SIGIRR: variants seen among roughly 807,000 people sequenced by gnomAD.
SIGIRR encodes single Ig IL-1-related receptor.
In SIGIRR, 41 loss-of-function variants were observed where a neutral mutation model predicts 45.6. That is an observed-to-expected ratio of 0.90 (90% CI 0.70 to 1.17). The LOEUF (loss-of-function observed/expected upper bound fraction) is 1.17. SIGIRR is among the 50% of genes most tolerant of loss of function. The pLI, the probability that SIGIRR is intolerant of heterozygous loss-of-function variation, is 0.00. For missense variants in SIGIRR, 599 were observed against 539.6 expected (o/e 1.11, Z -1.09); for synonymous variants, 298 against 239.0 (o/e 1.25, Z -2.28).
chr11:411,718 G>C (rs1410638444), intron 1 of SIGIRR, among the ~76,000 whole-genome samples: 2 of 80,920 alleles, frequency 2.5e-5, no homozygotes, highest in South Asian at 4.4e-4. Context: ...CAGTCGGTGG[G>C]GGGGGGGGGT....
upstream of SIGIRR, among the ~76,000 whole-genome samples, chr11:415,591 C>G (rs1170772293): frequency 6.6e-6 from 1 of 152,188 alleles, no homozygotes. This position sits in a 1 kb window ranked among gnomAD's most constrained non-coding sequence, Gnocchi z 6.6. Flanking sequence ...CTTCCGCCCT[C>G]TCCCCGTCCC....
At chr11:406,747 G>C in intron 8 of SIGIRR, 96 bp downstream of exon 8, 2 of 1,428,162 alleles carry the variant, frequency 1.4e-6, no homozygotes, top group Non-Finnish European at 1.8e-6. Flanking sequence ...GCGTGGTGCC[G>C]CAGAGCTCCC....
In SIGIRR at chr11:409,163, C is replaced by T. The variant is rs373074611; in HGVS notation, c.8-270G>A. On this transcript the variant is annotated intron_variant, in intron 2 of 9. Transcript: ENST00000431843. ...CCCCAGGCCCACGCTCAAGCCCCAT[C>T]TGGCTGCTTGTCCACCCAGGATGTG... The T allele has an allele frequency of 5.6e-6, 3 of 531,874 alleles. No homozygotes were observed. In the East Asian group the frequency reaches 1.0e-4, roughly 18 times the overall value. The allele number at this position is 531,874 out of a possible 1,614,324, so 32.9% of individuals were successfully genotyped here.
intron 9 of SIGIRR, 79 bp downstream of exon 9, chr11:406,270 G>GGCCCTGT (rs767045112): frequency 2.6e-6 from 4 of 1,558,484 alleles, no homozygotes; most frequent in Admixed American, 1.9e-5. Context: ...AGCCCCTCCA[G>GGCCCTGT]GCCCTGTGCC....
intron 7 of SIGIRR, 34 bp from the exon 8 acceptor site, chr11:407,027 A>C: frequency 2.5e-6 from 4 of 1,580,920 alleles, no homozygotes; most frequent in Non-Finnish European, 3.4e-6. Context: ...GGTGGGTGCT[A>C]CGCTGGGGCC....
chr11:406,269 A>G, intron 9 of SIGIRR, 80 bp downstream of exon 9: 2 of 1,558,476 alleles, frequency 1.3e-6, no homozygotes, highest in Non-Finnish European at 1.7e-6. Context: ...GAGCCCCTCC[A>G]GGCCCTGTGC....
At chr11:406,198 G>T in intron 9 of SIGIRR, 139 bp from the exon 10 acceptor site, 1 of 1,538,216 alleles carries the variant, frequency 6.5e-7, no homozygotes, top group Non-Finnish European at 8.7e-7. Context: ...CGAGGGCCGA[G>T]CACCTCCAGG....
intron 3 of SIGIRR, among the ~76,000 whole-genome samples, chr11:408,483 G>A (rs1280131862): frequency 2.0e-5 from 3 of 152,180 alleles, no homozygotes; most frequent in Non-Finnish European, 2.9e-5. Context: ...GACACCCGTA[G>A]CCCTGGGCAG....
chr11:407,651 C>T (rs1255865718), intron 5 of SIGIRR, 83 bp from the exon 6 acceptor site: 1 of 1,565,358 alleles, frequency 6.4e-7, no homozygotes, highest in Non-Finnish European at 8.7e-7. Context: ...AACCATCTCC[C>T]ACGTGCACAG....
In SIGIRR at chr11:406,526, C is replaced by A; in HGVS notation, c.892G>T (p.Asp298Tyr). The change falls in exon 9 of 10, where the codon GAT (aspartate) becomes TAT (tyrosine). Residue 298 changes from aspartate (D) to tyrosine (Y), a missense_variant. By Grantham distance (160) the Asp-to-Tyr change is radical (BLOSUM62 -3). Coordinates refer to ENST00000431843, the MANE Select transcript of SIGIRR (RefSeq NM_001135054.2). ...WRPGSVTPSS[D>Y]FWKEVQLALP... The stretch of plus-strand genomic sequence containing the variant: ...GCCAGCTGCACTTCTTTCCAAAAAT[C>A]GGAGGAAGGAGTCTGGGGGCCAGGT... The A allele has an allele frequency of 6.2e-7, 1 of 1,608,772 alleles. No homozygotes were observed. Among genetic ancestry groups the A allele is most frequent in the South Asian group, 1.1e-5 (1 of 91,000 alleles).
intron 1 of SIGIRR, among the ~76,000 whole-genome samples, chr11:412,804 G>A (rs903538675): frequency 1.3e-5 from 2 of 152,010 alleles, no homozygotes; most frequent in Admixed American, 6.5e-5. Flanking sequence ...GAAACACCTC[G>A]GGAAACACCT....
chr11:406,262 CCCCTCCAGGCCCTGTG>C (rs1338374542), intron 9 of SIGIRR, 71 bp downstream of exon 9: 1 of 1,552,136 alleles, frequency 6.4e-7, no homozygotes, highest in African/African-American at 1.4e-5. Context: ...ACACCTGGAG[CCCCTCCAGGCCCTGTG>C]CCCTGTGCCT....
chr11:406,575 A>G (rs1847316331), intron 8 of SIGIRR, 37 bp from the exon 9 acceptor site: 2 of 1,566,254 alleles, frequency 1.3e-6, no homozygotes, highest in African/African-American at 1.4e-5. Flanking sequence ...AGGTGTGAAC[A>G]CCTCGGAAGC....
At chr11:409,014 T>G in intron 2 of SIGIRR, 121 bp from the exon 3 acceptor site, 1 of 857,720 alleles carries the variant, frequency 1.2e-6, no homozygotes, top group Non-Finnish European at 1.9e-6. Context: ...ACACCATGTC[T>G]GTCCACGAGT....
At chr11:414,323 C>CCACCTTTCCCTGCACCCTCTCCCCTGCA (rs1315415278) in intron 1 of SIGIRR, among the ~76,000 whole-genome samples, 2 of 137,462 alleles carry the variant, frequency 1.5e-5, no homozygotes, top group African/African-American at 5.7e-5. Context: ...TCTCCCCTCC[C>CCACCTTTCCCTGCACCCTCTCCCCTGCA]CACCTTTCCC....
chr11:407,862 C>G lies in SIGIRR; in HGVS notation c.436G>C (p.Val146Leu). The change falls in exon 5 of 10, where the codon GTG becomes CTG. Residue 146 changes from valine to leucine, a missense_variant. Coordinates refer to ENST00000431843, the MANE Select transcript of SIGIRR (RefSeq NM_001135054.2). ...TACGCGTCCTGGTACCAGAGCAGCA[C>G]GTTGAGACGGCACTTGACATAGAGC... is the stretch of plus-strand genomic sequence containing the variant. ...ALLYVKCRLN[V>L]LLWYQDAYGE... 1 of 1,612,648 alleles carries G rather than the reference C, an allele frequency of 6.2e-7. No individual in the cohort carries two copies.
In SIGIRR at chr11:405,876, C is replaced by A; in HGVS notation, c.*20G>T. On this transcript the variant is annotated 3_prime_UTR_variant, in exon 10 of 10. Coordinates refer to ENST00000431843, the MANE Select transcript of SIGIRR (RefSeq NM_001135054.2). ...CCCTGGCCCCCGCTGTCCCTATGATCCTGCACTCTGGGGTGGGAGCTACAT... is the reference window on the plus strand; with the variant it reads ...CCCTGGCCCCCGCTGTCCCTATGATACTGCACTCTGGGGTGGGAGCTACAT... 6.3e-7 allele frequency: 1 copy of A among 1,578,554 alleles called. No homozygotes were observed. Among genetic ancestry groups the A allele is most frequent in the South Asian group, 1.2e-5 (1 of 86,208 alleles).
At chr11:406,732 A>C in intron 8 of SIGIRR, 111 bp downstream of exon 8, 1 of 1,425,358 alleles carries the variant, frequency 7.0e-7, no homozygotes, top group Admixed American at 2.8e-5. Flanking sequence ...GGGCCCATTC[A>C]CAAAGCGTGG....
At chr11:411,681 T>TTG (rs1847633459) in intron 1 of SIGIRR, among the ~76,000 whole-genome samples, 1 of 25,342 alleles carries the variant, frequency 3.9e-5, no homozygotes, top group Non-Finnish European at 7.8e-5. Flanking sequence ...TCGGTGGGGG[T>TTG]TGCCCAGCTC....
Sources: gnomAD v4.1 joint callset for allele counts (sites outside exome capture counted in the v4.1 genomes callset) on GRCh38, gnomAD v4.1.1 for gene constraint, Gnocchi (gnomAD v3.1) non-coding constraint, MANE v1.5 for transcripts, NCBI Gene and HGNC (gene_info 2026-07-23, HGNC 2026-07-21) for gene names.